Variants in MASP2 observed in about 807,000 individuals in gnomAD.
MASP2 encodes the protein MBL associated serine protease 2.
In MASP2, 49 loss-of-function variants were observed where a neutral mutation model predicts 57.1. The observed-to-expected ratio is 0.86, with a 90% CI of 0.68 to 1.09. The LOEUF (loss-of-function observed/expected upper bound fraction) is 1.09. Among genes scored for constraint, MASP2 ranks in the 50% least tolerant of loss-of-function variants. The probability of loss-of-function intolerance (pLI) is 0.00; values close to 1 mark genes in which losing one functional copy is unlikely to be tolerated. For synonymous variants in MASP2, 379 were observed against 340.8 expected (o/e 1.11, Z -1.24); for missense variants, 900 against 874.8 (o/e 1.03, Z -0.36).
intron 8 of MASP2, among the ~76,000 whole-genome samples, chr1:11,032,441 G>A (rs567995427): frequency 6.6e-6 from 1 of 152,004 alleles, no homozygotes; most frequent in East Asian, 1.9e-4. Context: ...GTGAAACCCT[G>A]CCTCTACTAA....
chr1:11,041,802 ATGTGTAGGTAGAAGG>A (rs1638459125), intron 6 of MASP2, among the ~76,000 whole-genome samples: 35 of 13,412 alleles, frequency 2.6e-3, no homozygotes, highest in East Asian at 6.2e-3. Context: ...GGATAGAAGT[ATGTGTAGGTAGAAGG>A]ATGGGTGGAT....
At position 11,037,693 on chromosome 1, in the gene MASP2, T is replaced by C. The variant is rs912261569; in HGVS notation, c.1008A>G (p.Gln336=). The C allele has an allele frequency of 1.9e-6, 3 of 1,597,258 alleles. No individual in the cohort carries two copies. Residue 336 remains glutamine (Q), a splice_region_variant and synonymous_variant, in exon 7 of 11, where the codon CAA becomes CAG. Transcript: ENST00000400897. Reference sequence around the variant, plus strand: ...CGTGGTGTACTTTGTTTTAACTCACTTGCAGAAGCTCATAGCCAGTCTCGC... The same window carrying C: ...CGTGGTGTACTTTGTTTTAACTCACCTGCAGAAGCTCATAGCCAGTCTCGC... ...IFCETGYELL[Q]GHLPLKSFTA...
rs1364429928 is a variant in MASP2, at chr1:11,027,324, T to C, written c.1622A>G (p.Lys541Arg). 1 of 1,614,052 alleles carries C rather than the reference T, an allele frequency of 6.2e-7. No individual in the cohort carries two copies. The highest frequency in any genetic ancestry group is 8.5e-7 in the Non-Finnish European group (1 of 1,179,904). Residue 541 changes from lysine to arginine, a missense_variant, in exon 11 of 11, where the codon AAA becomes AGA. Coordinates refer to ENST00000400897, the MANE Select transcript of MASP2 (RefSeq NM_006610.4). ...NDIALIKLNN[K>R]VVINSNITPI... ...CGTGATGTTGCTATTGATTACAACT[T>C]TGTTATTCAATTTAATCAGTGCTAT...
intron 10 of MASP2, 192 bp downstream of exon 10, chr1:11,029,984 G>A (rs1249690946): frequency 4.1e-6 from 2 of 493,070 alleles, no homozygotes; most frequent in East Asian, 7.1e-5. Flanking sequence ...AATGACTGAT[G>A]CAGTCAGCAC....
At chr1:11,038,815 G>A (rs906881752) in intron 6 of MASP2, among the ~76,000 whole-genome samples, 2 of 152,208 alleles carry the variant, frequency 1.3e-5, no homozygotes. Context: ...GTTCTGGCAG[G>A]GCCTCAGAGG....
Position 11,027,574 on chromosome 1 carries a change from A to G in MASP2, c.1372T>C (p.Trp458Arg). The change falls in exon 11 of 11, where the codon TGG becomes CGG. Residue 458 changes from tryptophan (W) to arginine (R), a missense_variant. Coordinates refer to ENST00000400897, the MANE Select transcript of MASP2 (RefSeq NM_006610.4). Reference protein sequence around the residue: ...GQKAKPGDFPWQVLILGGTTA... With the variant: ...GQKAKPGDFPRQVLILGGTTA... ...GTTCCACCTAATATCAGGACTTGCC[A>G]AGGAAAATCACCAGGTTTTGCCTTT... 6.2e-7 allele frequency: 1 copy of G among 1,614,196 alleles called. No homozygotes were observed. The highest frequency in any genetic ancestry group is 8.5e-7 in the Non-Finnish European group (1 of 1,180,030).
intron 8 of MASP2, 28 bp downstream of exon 8, chr1:11,034,799 TG>T: frequency 6.5e-7 from 1 of 1,527,092 alleles, no homozygotes; most frequent in South Asian, 1.2e-5. Flanking sequence ...CGGGCGGTTA[TG>T]GGGCCTGTAG....
At chr1:11,029,406 T>A (rs1782457) in intron 10 of MASP2, among the ~76,000 whole-genome samples, 124,209 of 150,712 alleles carry the variant, frequency 0.82, 51,241 homozygotes, top group East Asian at 0.86. Context: ...TCTCAAAAAA[T>A]AATAATAATA....
intron 8 of MASP2, among the ~76,000 whole-genome samples, chr1:11,032,672 G>A (rs1643863295): frequency 6.6e-6 from 1 of 151,282 alleles, no homozygotes; most frequent in South Asian, 2.1e-4. Flanking sequence ...ACTTTGGGAG[G>A]CCAAGGCAGG....
intron 3 of MASP2, 150 bp downstream of exon 3, chr1:11,046,406 C>T (rs1359494507): frequency 1.2e-6 from 1 of 845,248 alleles, no homozygotes; most frequent in Non-Finnish European, 1.9e-6. Flanking sequence ...CTGTTTTGGT[C>T]TTTGCATTGT....
intron 6 of MASP2, among the ~76,000 whole-genome samples, chr1:11,040,858 G>GTGGA (rs143927878): frequency 0.038 from 5,720 of 150,028 alleles, 177 homozygotes; most frequent in Non-Finnish European, 0.058. Flanking sequence ...GAATGGGTGG[G>GTGGA]TGGATGGATG....
chr1:11,046,620 G>C lies in MASP2; in HGVS notation c.348C>G (p.Thr116=), dbSNP rs771202424. The C allele has an allele frequency of 2.5e-6, 4 of 1,613,808 alleles. No homozygotes were observed. In the East Asian group the frequency reaches 8.9e-5, roughly 36 times the overall value. ...TCTCGTTGGAGTAGTCGGAGCGGAA[G>C]GTAATGTCCAGGCTGGAGCCCAGCG... The part of the protein sequence containing the change: ...FYSLGSSLDI[T]FRSDYSNEKP... The change falls in exon 3 of 11, where the codon ACC becomes ACG. Residue 116 remains threonine (T), a synonymous_variant. Transcript: ENST00000400897.
Position 11,028,817 on chromosome 1 carries a change from C to T in MASP2, c.1298-1169G>A, listed in dbSNP as rs1286480154. Among the ~76,000 whole-genome samples, 5 of 149,888 alleles carry T rather than the reference C, an allele frequency of 3.3e-5. No homozygotes were observed. In the Admixed American group the frequency reaches 3.4e-4, roughly 10 times the overall value. On this transcript the variant is annotated intron_variant, in intron 10 of 10. Coordinates refer to ENST00000400897, the MANE Select transcript of MASP2 (RefSeq NM_006610.4). ...CAAGCTCTGCCTCCCAGGTTCATGC[C>T]ATTCTCCTGCCTCAGCCTCCTGAGT...
At position 11,037,827 on chromosome 1, in the gene MASP2, C is replaced by G. The variant is rs768982100; in HGVS notation, c.890-16G>C. ...CAAGGCTGCGCTGCGCAGAGGAAAC[C>G]AGGCTTGTTGGTTTTCATGTGGTCT... On this transcript the variant is annotated splice_polypyrimidine_tract_variant and intron_variant, in intron 6 of 10. Coordinates refer to ENST00000400897, the MANE Select transcript of MASP2 (RefSeq NM_006610.4). 6.5e-7 allele frequency: 1 copy of G among 1,541,400 alleles called. No individual in the cohort carries two copies. The highest frequency in any genetic ancestry group is 1.4e-5 in the African/African-American group (1 of 72,882).
chr1:11,042,967 C>T lies in MASP2; in HGVS notation c.797G>A (p.Arg266Lys). The change falls in exon 6 of 11, where the codon AGG becomes AAG. Residue 266 changes from arginine (R) to lysine (K), a missense_variant. Physicochemically the swap from Arg to Lys is conservative, Grantham distance 26 (BLOSUM62 2). Transcript: ENST00000400897. ...GPFCGKTLPH[R>K]IETKSNTVTI... is the part of the protein sequence containing the mutation. ...CACCGTGTTGCTTTTTGTTTCAATC[C>T]TGTGGGGCAATGTCTTCCCACAGAA... The T allele has an allele frequency of 6.2e-7, 1 of 1,614,052 alleles. No individual in the cohort carries two copies. The highest frequency in any genetic ancestry group is 8.5e-7 in the Non-Finnish European group (1 of 1,179,948).
Position 11,043,486 on chromosome 1 carries a change from G to T in MASP2, c.594C>A (p.Ser198Arg), listed in dbSNP as rs1205371380. ...TGGGATACGGCCGTGGGTATTCAGG[G>T]CTGCTGAGCTCCCCAGACCTCTGGG... ...VFTQRSGELSSPEYPRPYPKL... is the reference protein window; with the variant it reads ...VFTQRSGELSRPEYPRPYPKL... Residue 198 changes from serine (S) to arginine (R), a missense_variant, in exon 5 of 11, where the codon AGC becomes AGA. Ser to Arg is a moderately radical substitution (Grantham distance 110). Coordinates refer to ENST00000400897, the MANE Select transcript of MASP2 (RefSeq NM_006610.4). The T allele has an allele frequency of 6.2e-7, 1 of 1,608,740 alleles. No individual in the cohort carries two copies. The highest frequency in any genetic ancestry group is 8.5e-7 in the Non-Finnish European group (1 of 1,178,262).
chr1:11,043,637 A>T, intron 4 of MASP2, 102 bp from the exon 5 acceptor site: 19 of 753,538 alleles, frequency 2.5e-5, no homozygotes, highest in East Asian at 9.1e-5. Context: ...TGGGACAGGG[A>T]TGTGGCTGGG....
At chr1:11,034,397 TAAA>T (rs58086905) in intron 8 of MASP2, among the ~76,000 whole-genome samples, 1 of 141,922 alleles carries the variant, frequency 7.0e-6, no homozygotes, top group Non-Finnish European at 1.5e-5. Flanking sequence ...AATGGATCAT[TAAA>T]AAAAAAAAAC....
intron 6 of MASP2, among the ~76,000 whole-genome samples, chr1:11,040,665 T>C (rs1638396938): frequency 6.9e-6 from 1 of 144,878 alleles, no homozygotes; most frequent in African/African-American, 2.6e-5. Flanking sequence ...GTAGGTAAAA[T>C]AATGGGTGGG....
Sources: gnomAD v4.1 joint callset for allele counts (sites outside exome capture counted in the v4.1 genomes callset) on GRCh38, gnomAD v4.1.1 for gene constraint, MANE v1.5 for transcripts, NCBI Gene and HGNC (gene_info 2026-07-23, HGNC 2026-07-21) for gene names.